Variants in ADK observed in about 807,000 individuals in gnomAD.
ADK encodes the protein N6,N6-dimethyladenosine kinase.
Under a neutral mutation model 44.7 loss-of-function variants are expected in ADK, and 24 were observed. The observed-to-expected ratio is 0.54, with a 90% confidence interval of 0.39 to 0.76. The LOEUF (loss-of-function observed/expected upper bound fraction) is 0.76. Among genes scored for constraint, ADK ranks in the 30% least tolerant of loss-of-function variants. ADK has a pLI of 0.00. For missense variants in ADK, 321 were observed against 425.1 expected, an observed-to-expected ratio of 0.76 and a Z score of 2.15; for synonymous variants, 128 against 142.6, an observed-to-expected ratio of 0.90 and a Z score of 0.73.
chr10:74,543,983 C>T (rs1271355506), intron 7 of ADK, among the ~76,000 whole-genome samples: 2 of 151,946 alleles, frequency 1.3e-5, no homozygotes, highest in African/African-American at 2.4e-5. Context: ...CCTACAAGCA[C>T]CTCTTCCTTT....
chr10:74,459,327 A>G (rs917708801), intron 6 of ADK, among the ~76,000 whole-genome samples: 11 of 152,104 alleles, frequency 7.2e-5, no homozygotes, highest in Admixed American at 2.6e-4. Flanking sequence ...ATGTAAGAAT[A>G]TGCAAAAATT....
At position 74,671,039 on chromosome 10, in the gene ADK, A is replaced by T. The variant is rs1012974661; in HGVS notation, c.964+770A>T. Among the ~76,000 whole-genome samples, 6 of 14,006 alleles carry T rather than the reference A, an allele frequency of 4.3e-4. No homozygotes were observed. In the East Asian group the frequency reaches 0.012, roughly 28 times the overall value. The allele number at this position is 14,006 out of a possible 152,430, so 9.2% of individuals were successfully genotyped here. A position where few individuals can be genotyped will look rare whatever the true frequency, so the allele number is the denominator to read the frequency against. ...ACATCAAGCCAGACCAGGTTAATTT[A>T]AAAAAAAAAAAAAAAAAGCAAGCAA... On this transcript the variant is annotated intron_variant, in intron 10 of 10. Coordinates refer to ENST00000539909, the MANE Select transcript of ADK (RefSeq NM_006721.4).
At chr10:74,558,539 C>T (rs891836269) in intron 7 of ADK, among the ~76,000 whole-genome samples, 7 of 152,214 alleles carry the variant, frequency 4.6e-5, no homozygotes, top group African/African-American at 1.7e-4. Context: ...GTCTCTCCTA[C>T]CACTGTGTAA....
intron 10 of ADK, among the ~76,000 whole-genome samples, chr10:74,679,248 G>A (rs1348569534): frequency 6.6e-6 from 1 of 152,154 alleles, no homozygotes; most frequent in East Asian, 1.9e-4. Context: ...CTGTCGACTG[G>A]TACCAGTCTA....
intron 6 of ADK, among the ~76,000 whole-genome samples, chr10:74,470,501 A>G (rs1846530296): frequency 9.8e-6 from 1 of 101,996 alleles, no homozygotes; most frequent in African/African-American, 3.4e-5. Flanking sequence ...TTTTTTGAGG[A>G]TACTTCATAG....
intron 6 of ADK, among the ~76,000 whole-genome samples, chr10:74,493,624 TC>T (rs1358125541): frequency 6.6e-6 from 1 of 151,898 alleles, no homozygotes; most frequent in Non-Finnish European, 1.5e-5. Context: ...GCTCAAGTGA[TC>T]CACCCACCTC....
intron 7 of ADK, among the ~76,000 whole-genome samples, chr10:74,578,310 T>C (rs1851265665): frequency 6.6e-6 from 1 of 152,212 alleles, no homozygotes. Flanking sequence ...ATCTTGTCTT[T>C]TAGTGCCTTT....
At chr10:74,248,552 C>T (rs1042314460) in intron 3 of ADK, among the ~76,000 whole-genome samples, 2 of 152,114 alleles carry the variant, frequency 1.3e-5, no homozygotes, top group African/African-American at 4.8e-5. Flanking sequence ...GACGGGGTTT[C>T]ATCATGTTGG....
chr10:74,296,779 T>C (rs1203187548), intron 3 of ADK, among the ~76,000 whole-genome samples: 1 of 150,870 alleles, frequency 6.6e-6, no homozygotes, highest in African/African-American at 2.4e-5. Context: ...GCTGGGCTAA[T>C]TTTTTTTTGT....
chr10:74,584,786 A>G (rs1446658120), intron 7 of ADK, among the ~76,000 whole-genome samples: 1 of 152,218 alleles, frequency 6.6e-6, no homozygotes, highest in Non-Finnish European at 1.5e-5. Flanking sequence ...ATGAAGAAGC[A>G]AAGTAAGAAA....
At chr10:74,499,581 A>C (rs971297520) in intron 6 of ADK, among the ~76,000 whole-genome samples, 1 of 152,016 alleles carries the variant, frequency 6.6e-6, no homozygotes, top group Non-Finnish European at 1.5e-5. Flanking sequence ...CCAGCTGCTC[A>C]GGAGGCTGAG....
At chr10:74,210,759 G>A (rs1365336299) in intron 2 of ADK, among the ~76,000 whole-genome samples, 1 of 151,448 alleles carries the variant, frequency 6.6e-6, no homozygotes, top group Non-Finnish European at 1.5e-5. Context: ...CTACAAATGG[G>A]TGTATGTTAG....
chr10:74,530,860 G>A (rs895949422), intron 7 of ADK, among the ~76,000 whole-genome samples: 10 of 152,148 alleles, frequency 6.6e-5, no homozygotes, highest in Admixed American at 3.3e-4. Context: ...GGGAAGCAGA[G>A]GTTGCAGCGA....
intron 4 of ADK, among the ~76,000 whole-genome samples, chr10:74,368,470 A>G (rs1842562244): frequency 1.3e-5 from 2 of 151,796 alleles, no homozygotes; most frequent in South Asian, 4.2e-4. Context: ...CTTCTAGGGT[A>G]AACATTTACT....
At chr10:74,364,471 T>C (rs1389421934) in intron 4 of ADK, among the ~76,000 whole-genome samples, 1 of 152,224 alleles carries the variant, frequency 6.6e-6, no homozygotes, top group African/African-American at 2.4e-5. Context: ...TGAACACTTT[T>C]CAGTTCTTGT....
intron 6 of ADK, among the ~76,000 whole-genome samples, chr10:74,496,294 C>T (rs1299944477): frequency 6.6e-6 from 1 of 152,190 alleles, no homozygotes; most frequent in Non-Finnish European, 1.5e-5. Context: ...CCACCCAAAT[C>T]TCACCTTGAA....
chr10:74,615,305 T>A (rs540810350), intron 9 of ADK, among the ~76,000 whole-genome samples: 2 of 152,330 alleles, frequency 1.3e-5, no homozygotes, highest in South Asian at 4.1e-4. Context: ...GTAATACAGG[T>A]AGGGTCACTT....
chr10:74,423,753 A>G (rs1408047603), intron 6 of ADK: 3 of 417,566 alleles, frequency 7.2e-6, no homozygotes, highest in Non-Finnish European at 1.4e-5. Context: ...GTGCAAATGT[A>G]TCTTTTTTGG....
rs574640419 is a variant in ADK at position 74,518,174 on chromosome 10, C to T, written c.556-7082C>T. Among the ~76,000 whole-genome samples the T allele has an allele frequency of 5.3e-5, 8 of 152,270 alleles. No individual in the cohort carries two copies. In the South Asian group the frequency reaches 6.2e-4, roughly 12 times the overall value. ...TCATTCTCTCAGCCCTGTTCTCTGACTAGTGTTACTATGGCACCTAAGTTA... is the reference window on the plus strand; with the variant it reads ...TCATTCTCTCAGCCCTGTTCTCTGATTAGTGTTACTATGGCACCTAAGTTA... On this transcript the variant is annotated intron_variant, in intron 6 of 10. Coordinates refer to ENST00000539909, the MANE Select transcript of ADK (RefSeq NM_006721.4).
Sources: gnomAD v4.1 joint callset for allele counts (sites outside exome capture counted in the v4.1 genomes callset) on GRCh38, gnomAD v4.1.1 for gene constraint, MANE v1.5 for transcripts, NCBI Gene and HGNC (gene_info 2026-07-23, HGNC 2026-07-21) for gene names.